CRHR1: variants seen among roughly 807,000 people sequenced by gnomAD.
CRHR1 encodes the protein corticotropin-releasing hormone receptor 1.
In CRHR1, 28 loss-of-function variants were observed where a neutral mutation model predicts 56.0. That is an observed-to-expected ratio of 0.50 (90% confidence interval 0.37 to 0.69). CRHR1 has a LOEUF of 0.69. CRHR1 is among the 30% of genes least tolerant of loss of function. CRHR1 has a pLI of 0.00. For synonymous variants in CRHR1, 195 were observed against 216.5 expected (o/e 0.90, Z 0.87); for missense variants, 376 against 548.0 (o/e 0.69, Z 3.13).
chr17:45,810,154 G>C (rs1157470861), intron 2 of CRHR1, among the ~76,000 whole-genome samples: 1 of 152,052 alleles, frequency 6.6e-6, no homozygotes, highest in Non-Finnish European at 1.5e-5. Flanking sequence ...GCTTGGTGGT[G>C]GGCGCCTATA....
At chr17:45,788,444 A>C (rs2061372680) in intron 1 of CRHR1, among the ~76,000 whole-genome samples, 1 of 152,170 alleles carries the variant, frequency 6.6e-6, no homozygotes, top group African/African-American at 2.4e-5. Flanking sequence ...GGGTGCCACG[A>C]ACTGGATTCC....
At chr17:45,818,043 A>C (rs2143082645) in intron 3 of CRHR1, among the ~76,000 whole-genome samples, 1 of 152,276 alleles carries the variant, frequency 6.6e-6, no homozygotes, top group Middle Eastern at 3.4e-3. Context: ...TGGAGCCCCT[A>C]GGAAGGAGGC....
intron 1 of CRHR1, among the ~76,000 whole-genome samples, chr17:45,789,570 G>C (rs764270938): frequency 1.3e-5 from 2 of 151,686 alleles, no homozygotes; most frequent in African/African-American, 4.8e-5. Flanking sequence ...CGGTCTTGCC[G>C]TATTGCCCAG....
At chr17:45,800,023 G>T (rs1217041066) in intron 1 of CRHR1, 1 of 153,420 alleles carries the variant, frequency 6.5e-6, no homozygotes, top group African/African-American at 2.4e-5. Flanking sequence ...ACCTCCTCCA[G>T]GAAGCCTGCC....
chr17:45,822,795 G>A (rs1192581170), intron 4 of CRHR1, among the ~76,000 whole-genome samples: 1 of 151,834 alleles, frequency 6.6e-6, no homozygotes, highest in Non-Finnish European at 1.5e-5. Context: ...AGGTTGCAGT[G>A]AGCCGAGATT....
intron 4 of CRHR1, chr17:45,825,932 G>A (rs62057147): frequency 0.15 from 22,709 of 152,448 alleles, 2,182 homozygotes; most frequent in Middle Eastern, 0.22. Context: ...CGCCTGGGAC[G>A]AGGTGGTGTC....
chr17:45,806,771 G>C (rs2061727960), intron 1 of CRHR1, among the ~76,000 whole-genome samples: 1 of 152,182 alleles, frequency 6.6e-6, no homozygotes, highest in South Asian at 2.1e-4. Context: ...GATCCTGTCA[G>C]CTTCCCTGCC....
intron 3 of CRHR1, among the ~76,000 whole-genome samples, chr17:45,820,496 C>T (rs1355837502): frequency 6.6e-6 from 1 of 152,204 alleles, no homozygotes; most frequent in Non-Finnish European, 1.5e-5. Context: ...CAGGGCCCCT[C>T]CCCATCTCCT....
At chr17:45,820,184 G>T (rs1249183552) in intron 3 of CRHR1, among the ~76,000 whole-genome samples, 1 of 152,206 alleles carries the variant, frequency 6.6e-6, no homozygotes, top group African/African-American at 2.4e-5. Context: ...AGTGAGGGAG[G>T]CTCCAGGTGA....
chr17:45,815,643 A>C (rs951899451), intron 2 of CRHR1, among the ~76,000 whole-genome samples: 1 of 152,188 alleles, frequency 6.6e-6, no homozygotes, highest in African/African-American at 2.4e-5. Context: ...GAGATTAAGA[A>C]TTTCTGATCT....
At position 45,808,688 on chromosome 17, in the gene CRHR1, A is replaced by T. The variant is rs141882529; in HGVS notation, c.121+1591A>T. On this transcript the variant is annotated intron_variant, in intron 2 of 12. Transcript: ENST00000314537. ...TTTAGAGATGGGATCTCACTCTATCACCTAGGCTGAAGTGCAGTGGCACAA... is the reference window on the plus strand; with the variant it reads ...TTTAGAGATGGGATCTCACTCTATCTCCTAGGCTGAAGTGCAGTGGCACAA... 1.1e-3 allele frequency among the ~76,000 whole-genome samples: 165 copies of T among 152,316 alleles called. No homozygotes were observed. The Middle Eastern group carries it at 0.014, about 13-fold the overall frequency.
chr17:45,834,215 T>A (rs1044857749), intron 12 of CRHR1, among the ~76,000 whole-genome samples, 167 bp downstream of exon 12: 2 of 152,130 alleles, frequency 1.3e-5, no homozygotes, highest in African/African-American at 4.8e-5. Flanking sequence ...CTCCCACCTG[T>A]CCACTCCCAC....
intron 2 of CRHR1, among the ~76,000 whole-genome samples, chr17:45,810,157 C>T (rs537772793): frequency 2.0e-5 from 3 of 152,074 alleles, no homozygotes; most frequent in East Asian, 1.9e-4. Flanking sequence ...TGGTGGTGGG[C>T]GCCTATAATC....
chr17:45,827,317 T>C (rs1417163079), intron 4 of CRHR1, among the ~76,000 whole-genome samples: 1 of 152,106 alleles, frequency 6.6e-6, no homozygotes, highest in African/African-American at 2.4e-5. Context: ...CACACTGCGC[T>C]CCTCCCGCCC....
At chr17:45,792,081 G>T (rs1019346558) in intron 1 of CRHR1, among the ~76,000 whole-genome samples, 8 of 152,228 alleles carry the variant, frequency 5.3e-5, no homozygotes, top group Admixed American at 4.6e-4. Flanking sequence ...GGGACCACGG[G>T]CTTAGCTGGG....
intron 1 of CRHR1, among the ~76,000 whole-genome samples, chr17:45,802,325 A>AAAAC (rs376596692): frequency 6.6e-5 from 10 of 152,336 alleles, no homozygotes; most frequent in African/African-American, 1.7e-4. Context: ...ACTGTCTCAA[A>AAAAC]AAACAAACAA....
intron 1 of CRHR1, among the ~76,000 whole-genome samples, chr17:45,787,423 A>C (rs1345489824): frequency 6.6e-6 from 1 of 152,212 alleles, no homozygotes; most frequent in Non-Finnish European, 1.5e-5. Context: ...GGATTCTAAC[A>C]GGAGAGTGAG....
intron 1 of CRHR1, among the ~76,000 whole-genome samples, chr17:45,795,569 C>A (rs755571322): frequency 6.6e-6 from 1 of 152,236 alleles, no homozygotes; most frequent in Non-Finnish European, 1.5e-5. Context: ...CACCAAACGT[C>A]CCCCGGGAGG....
rs183754654 is a variant in CRHR1 at position 45,785,100 on chromosome 17, C to G, written c.33+523C>G. Among the ~76,000 whole-genome samples the G allele has an allele frequency of 4.5e-3, 681 of 152,322 alleles. 5 individuals carry two copies. The highest frequency in any genetic ancestry group is 0.015 in the African/African-American group (639 of 41,574). ...TGAATGCCGCCCGCGCCTGCGAGCCCTTGATCAATATCGCAGTCTCGGGGG... is the reference window on the plus strand; with the variant it reads ...TGAATGCCGCCCGCGCCTGCGAGCCGTTGATCAATATCGCAGTCTCGGGGG... On this transcript the variant is annotated intron_variant, in intron 1 of 12. Coordinates refer to ENST00000314537, the MANE Select transcript of CRHR1 (RefSeq NM_004382.5).
Sources: gnomAD v4.1 joint callset for allele counts (sites outside exome capture counted in the v4.1 genomes callset) on GRCh38, gnomAD v4.1.1 for gene constraint, MANE v1.5 for transcripts, NCBI Gene and HGNC (gene_info 2026-07-23, HGNC 2026-07-21) for gene names.